The following TAOK1 variants were observed in gnomAD, a reference collection of about 807,000 sequenced individuals.
TAOK1 encodes the protein serine/threonine-protein kinase TAO1.
A neutral mutation model predicts 138.3 loss-of-function variants in TAOK1; 21 were observed. The observed-to-expected ratio is 0.15, with a 90% confidence interval of 0.11 to 0.22. The LOEUF is 0.22. Ranked by LOEUF, TAOK1 falls within the 10% of genes least tolerant of loss-of-function variation. The pLI is 1.00. For synonymous variants in TAOK1, 361 were observed against 398.4 expected (o/e 0.91, Z 1.12); for missense variants, 651 against 1,227.7 (o/e 0.53, Z 7.02).
intron 1 of TAOK1, among the ~76,000 whole-genome samples, chr17:29,443,505 A>C (rs755236309): frequency 6.6e-5 from 10 of 152,222 alleles, no homozygotes; most frequent in Non-Finnish European, 1.5e-4. Flanking sequence ...ATGATTGGAT[A>C]AAGTGACACC....
intron 16 of TAOK1, among the ~76,000 whole-genome samples, 195 bp downstream of exon 16, chr17:29,517,851 C>A (rs1321347040): frequency 2.6e-5 from 4 of 152,096 alleles, no homozygotes; most frequent in Non-Finnish European, 5.9e-5. Context: ...AAATCTCTTT[C>A]TTAACCACCA....
chr17:29,492,371 C>T (rs2031311671), intron 10 of TAOK1, among the ~76,000 whole-genome samples: 1 of 152,164 alleles, frequency 6.6e-6, no homozygotes, highest in Admixed American at 6.5e-5. Flanking sequence ...TGATTAGCTG[C>T]TCTTACCATG....
chr17:29,429,649 T>C (rs1905763833), intron 1 of TAOK1, among the ~76,000 whole-genome samples: 2 of 152,212 alleles, frequency 1.3e-5, no homozygotes, highest in Non-Finnish European at 2.9e-5. Context: ...TGTTACAATA[T>C]TATTAACTAA....
At chr17:29,465,836 GCTTTTTTTTTTT>G (rs2030650593) in intron 2 of TAOK1, among the ~76,000 whole-genome samples, 1 of 13,602 alleles carries the variant, frequency 7.4e-5, no homozygotes, top group Non-Finnish European at 1.3e-4. Context: ...AAGTTTCTGT[GCTTTTTTTTTTT>G]TTTTTTTTTT....
intron 1 of TAOK1, among the ~76,000 whole-genome samples, chr17:29,432,412 C>T (rs552285859): frequency 1.3e-5 from 2 of 152,200 alleles, no homozygotes; most frequent in South Asian, 2.1e-4. Context: ...CAACCTTCGG[C>T]GTGGGCATCA....
chr17:29,537,784 C>T (rs1016147388), intron 19 of TAOK1, among the ~76,000 whole-genome samples: 5 of 152,016 alleles, frequency 3.3e-5, no homozygotes, highest in Non-Finnish European at 1.5e-5. Flanking sequence ...TTAATTATAA[C>T]AACTTTATAA....
At chr17:29,469,731 C>A (rs1364219535) in intron 3 of TAOK1, among the ~76,000 whole-genome samples, 2 of 152,126 alleles carry the variant, frequency 1.3e-5, no homozygotes, top group East Asian at 1.9e-4. Context: ...ATTAGTCACA[C>A]CTAGAACAAA....
intron 16 of TAOK1, among the ~76,000 whole-genome samples, chr17:29,517,872 T>C (rs2031845374): frequency 6.6e-6 from 1 of 152,132 alleles, no homozygotes; most frequent in South Asian, 2.1e-4. Context: ...AAATTTTTTT[T>C]TTCAAGACAG....
chr17:29,458,754 T>C (rs1465409792), intron 2 of TAOK1, among the ~76,000 whole-genome samples: 2 of 152,100 alleles, frequency 1.3e-5, no homozygotes, highest in Admixed American at 6.6e-5. Context: ...GAATGCAGTA[T>C]TGCAATCTCG....
chr17:29,533,206 T>C (rs1461638086), intron 18 of TAOK1, among the ~76,000 whole-genome samples: 1 of 124,618 alleles, frequency 8.0e-6, no homozygotes, highest in African/African-American at 3.1e-5. Context: ...CCAGATGGGG[T>C]GGCGGGGCAG....
At chr17:29,475,481 A>G (rs1241937546) in intron 3 of TAOK1, among the ~76,000 whole-genome samples, 189 bp from the exon 4 acceptor site, 1 of 152,140 alleles carries the variant, frequency 6.6e-6, no homozygotes, top group African/African-American at 2.4e-5. Flanking sequence ...TGGAGGTTGC[A>G]GTTAGCTGAG....
intron 18 of TAOK1, among the ~76,000 whole-genome samples, chr17:29,532,265 C>T (rs1443471962): frequency 6.6e-6 from 1 of 151,906 alleles, no homozygotes; most frequent in Non-Finnish European, 1.5e-5. Context: ...CTATAGTTTG[C>T]TGGTCTTTGT....
At chr17:29,405,766 G>A (rs184193985) in intron 1 of TAOK1, among the ~76,000 whole-genome samples, 3 of 152,054 alleles carry the variant, frequency 2.0e-5, no homozygotes, top group Non-Finnish European at 4.4e-5. Flanking sequence ...GAGACAGAGT[G>A]AGACTCCATC....
intron 10 of TAOK1, among the ~76,000 whole-genome samples, chr17:29,494,908 C>T (rs551091086): frequency 6.7e-6 from 1 of 149,894 alleles, no homozygotes; most frequent in South Asian, 2.1e-4. Flanking sequence ...CTGGAATTTA[C>T]ATGCTAACTA....
chr17:29,421,535 T>G (rs1172754085), intron 1 of TAOK1, among the ~76,000 whole-genome samples: 1 of 152,214 alleles, frequency 6.6e-6, no homozygotes, highest in Non-Finnish European at 1.5e-5. Flanking sequence ...TGAAACCATC[T>G]GGGCCTAGAG....
chr17:29,398,790 C>T (rs1904742698), intron 1 of TAOK1, among the ~76,000 whole-genome samples: 3 of 152,208 alleles, frequency 2.0e-5, no homozygotes, highest in South Asian at 4.1e-4. Context: ...CCTTGGCCTC[C>T]CAAAGTGCTG....
intron 1 of TAOK1, among the ~76,000 whole-genome samples, chr17:29,397,839 A>C (rs543567416): frequency 1.3e-4 from 19 of 145,392 alleles, no homozygotes; most frequent in African/African-American, 4.4e-4. Context: ...ATATATGTGT[A>C]TATATATATA....
intron 10 of TAOK1, among the ~76,000 whole-genome samples, chr17:29,492,362 G>A (rs926647008): frequency 6.6e-6 from 1 of 152,088 alleles, no homozygotes; most frequent in Non-Finnish European, 1.5e-5. Flanking sequence ...TTTTCAAATT[G>A]ATTAGCTGCT....
intron 1 of TAOK1, among the ~76,000 whole-genome samples, chr17:29,393,066 C>T (rs370334661): frequency 4.6e-5 from 7 of 151,968 alleles, no homozygotes; most frequent in African/African-American, 1.5e-4. Context: ...ATTGAAATAA[C>T]ACTATTCATT....
Sources: allele counts gnomAD v4.1 joint callset (sites outside exome capture counted in the v4.1 genomes callset), GRCh38; gene constraint gnomAD v4.1.1; transcripts MANE v1.5; gene names NCBI Gene and HGNC (gene_info 2026-07-23, HGNC 2026-07-21).